IGSF21: variants seen among roughly 807,000 people sequenced by gnomAD.
IGSF21 encodes immunoglobulin superfamily member 21.
Under a neutral mutation model 46.8 loss-of-function variants are expected in IGSF21, and 28 were observed. The observed-to-expected ratio is 0.60, with a 90% confidence interval of 0.44 to 0.82. The LOEUF (loss-of-function observed/expected upper bound fraction) is 0.82. IGSF21 is among the 40% of genes least tolerant of loss of function. The pLI is 0.00. For synonymous variants in IGSF21, 284 were observed against 273.6 expected, an observed-to-expected ratio of 1.04 and a Z score of -0.38; for missense variants, 624 against 665.5, an observed-to-expected ratio of 0.94 and a Z score of 0.69.
intron 4 of IGSF21, among the ~76,000 whole-genome samples, chr1:18,351,499 T>C (rs2085954616): frequency 6.6e-6 from 1 of 152,136 alleles, no homozygotes. Context: ...TTTTGCACGC[T>C]GGGGGAAGAT....
intron 3 of IGSF21, among the ~76,000 whole-genome samples, chr1:18,314,251 C>T (rs191890142): frequency 2.0e-5 from 3 of 151,838 alleles, no homozygotes; most frequent in African/African-American, 7.2e-5. Context: ...ACCTATTCTC[C>T]TGCATCTGCC....
At chr1:18,258,695 G>A (rs2084914152) in intron 2 of IGSF21, among the ~76,000 whole-genome samples, 1 of 152,124 alleles carries the variant, frequency 6.6e-6, no homozygotes, top group Non-Finnish European at 1.5e-5. Flanking sequence ...GTGTAACCTT[G>A]GGCAGTTTGC....
intron 1 of IGSF21, among the ~76,000 whole-genome samples, chr1:18,199,686 G>C (rs549702288): frequency 2.0e-5 from 3 of 151,946 alleles, no homozygotes; most frequent in African/African-American, 4.8e-5. Context: ...CCCCTTCCCT[G>C]GTCTCCCTCC....
At chr1:18,266,770 C>T (rs117108603) in intron 2 of IGSF21, among the ~76,000 whole-genome samples, 2 of 152,262 alleles carry the variant, frequency 1.3e-5, no homozygotes, top group East Asian at 1.9e-4. Flanking sequence ...CCCAAGAAGT[C>T]GTGAAAATGG....
At chr1:18,120,814 A>G (rs1351884793) in intron 1 of IGSF21, among the ~76,000 whole-genome samples, 1 of 152,162 alleles carries the variant, frequency 6.6e-6, no homozygotes, top group Admixed American at 6.5e-5. Context: ...TGCAGCTTGC[A>G]AAGCGGAAGC....
In IGSF21 at chr1:18,317,793, C is replaced by T. The variant is rs966957012; in HGVS notation, c.306-17099C>T. On this transcript the variant is annotated intron_variant, in intron 3 of 9. Transcript: ENST00000251296. ...AAAGCAAACACACATGTGCTAACTA[C>T]GGGGCAGGCACCGTCCTAAGTGCCT... Among the ~76,000 whole-genome samples the T allele has an allele frequency of 3.9e-5, 6 of 152,322 alleles. No individual in the cohort carries two copies. In the East Asian group the frequency reaches 9.6e-4, roughly 24 times the overall value.
At chr1:18,340,987 T>C (rs56889097) in intron 4 of IGSF21, among the ~76,000 whole-genome samples, 1 of 135,332 alleles carries the variant, frequency 7.4e-6, no homozygotes, top group African/African-American at 2.9e-5. Context: ...TTCTTCTCCT[T>C]CTTCTTCTCC....
intron 1 of IGSF21, among the ~76,000 whole-genome samples, chr1:18,199,714 C>A (rs920904732): frequency 1.6e-4 from 24 of 152,158 alleles, no homozygotes; most frequent in Admixed American, 3.3e-4. Flanking sequence ...TCTCTCACCT[C>A]GGCTGCAAAG....
intron 1 of IGSF21, among the ~76,000 whole-genome samples, chr1:18,212,307 G>A (rs1171557287): frequency 6.6e-6 from 1 of 152,230 alleles, no homozygotes; most frequent in African/African-American, 2.4e-5. Flanking sequence ...GCTAGCTTGT[G>A]ATAGAGTCAG....
rs762472647 is a variant in IGSF21, at chr1:18,291,998, G to A, written c.305+11G>A. The A allele has an allele frequency of 2.5e-6, 4 of 1,612,050 alleles. No individual in the cohort carries two copies. In the South Asian group the frequency reaches 3.3e-5, roughly 13 times the overall value. On this transcript the variant is annotated intron_variant, in intron 3 of 9. Coordinates refer to ENST00000251296, the MANE Select transcript of IGSF21 (RefSeq NM_032880.5). ...CCAGTCCACTGTGAGGTGAGTGCCTGGGGGTGGCGGGCCGACAGCGGGGGA... is the reference window on the plus strand; with the variant it reads ...CCAGTCCACTGTGAGGTGAGTGCCTAGGGGTGGCGGGCCGACAGCGGGGGA...
At chr1:18,372,689 AGTG>A (rs2086238811) in intron 6 of IGSF21, among the ~76,000 whole-genome samples, 1 of 115,788 alleles carries the variant, frequency 8.6e-6, no homozygotes, top group African/African-American at 3.3e-5. Context: ...TGGATGGATG[AGTG>A]TTTAGATGGG....
intron 1 of IGSF21, among the ~76,000 whole-genome samples, chr1:18,117,025 G>C (rs1185045990): frequency 1.3e-5 from 2 of 152,208 alleles, no homozygotes; most frequent in Admixed American, 6.5e-5. Flanking sequence ...AAGCGGTCTG[G>C]ATTTGAGCCC....
At chr1:18,213,681 C>T (rs548377882) in intron 1 of IGSF21, among the ~76,000 whole-genome samples, 11 of 152,304 alleles carry the variant, frequency 7.2e-5, no homozygotes, top group Admixed American at 3.9e-4. Flanking sequence ...AACACACACA[C>T]AGCACAGAGC....
At position 18,108,076 on chromosome 1, in the gene IGSF21, C is replaced by T; in HGVS notation, c.-53C>T. The T allele has an allele frequency of 1.1e-6, 1 of 888,054 alleles. No individual in the cohort carries two copies. 55.0% of individuals were successfully genotyped at this position (888,054 alleles called of 1,614,324 possible). A position where few individuals can be genotyped will look rare whatever the true frequency, so the allele number is the denominator to read the frequency against. On this transcript the variant is annotated 5_prime_UTR_variant, in exon 1 of 10. Coordinates refer to ENST00000251296, the MANE Select transcript of IGSF21 (RefSeq NM_032880.5). ...CTGAGCCCATGGCGAGGGGACCCGC[C>T]GCCACCGCCTCCACCCCCGCCGCCC...
intron 3 of IGSF21, among the ~76,000 whole-genome samples, chr1:18,329,517 C>A (rs2085691916): frequency 6.6e-6 from 1 of 152,172 alleles, no homozygotes; most frequent in African/African-American, 2.4e-5. Context: ...AGTGACCAGG[C>A]TTCCCTCCTT....
At chr1:18,324,005 C>G (rs2124596867) in intron 3 of IGSF21, among the ~76,000 whole-genome samples, 1 of 152,216 alleles carries the variant, frequency 6.6e-6, no homozygotes, top group African/African-American at 2.4e-5. Flanking sequence ...AGCGCTGCCC[C>G]ATCCCTGCCT....
chr1:18,164,901 C>G (rs1160060177), intron 1 of IGSF21, among the ~76,000 whole-genome samples: 3 of 106,138 alleles, frequency 2.8e-5, no homozygotes, highest in Non-Finnish European at 5.2e-5. Flanking sequence ...CACCCCACAA[C>G]AGGCCCTAGT....
chr1:18,315,729 T>C (rs111469429), intron 3 of IGSF21, among the ~76,000 whole-genome samples: 4,093 of 151,760 alleles, frequency 0.027, 193 homozygotes, highest in African/African-American at 0.087. Flanking sequence ...TGTGGATGGA[T>C]AGATGGCTAG....
chr1:18,230,266 T>G (rs909551990), intron 2 of IGSF21, among the ~76,000 whole-genome samples: 4 of 152,152 alleles, frequency 2.6e-5, no homozygotes, highest in African/African-American at 9.7e-5. Context: ...GACTCTCCTT[T>G]TTCTTCGCCA....
Sources: gnomAD v4.1 joint callset for allele counts (sites outside exome capture counted in the v4.1 genomes callset) on GRCh38, gnomAD v4.1.1 for gene constraint, MANE v1.5 for transcripts, NCBI Gene and HGNC (gene_info 2026-07-23, HGNC 2026-07-21) for gene names.